Variants in GPC5 observed in about 807,000 individuals in gnomAD.
GPC5 encodes the protein glypican-5.
In GPC5, 47 loss-of-function variants were observed where a neutral mutation model predicts 53.9. The observed-to-expected ratio is 0.87, with a 90% CI of 0.69 to 1.11. The LOEUF (loss-of-function observed/expected upper bound fraction) is 1.11, where lower values mean the gene tolerates loss of function less well. Ranked by LOEUF, GPC5 falls within the 50% of genes most tolerant of loss-of-function variation. The pLI, the probability that GPC5 is intolerant of heterozygous loss-of-function variation, is 0.00. For missense variants in GPC5, 748 were observed against 713.1 expected, an observed-to-expected ratio of 1.05 and a Z score of -0.56; for synonymous variants, 286 against 263.3, an observed-to-expected ratio of 1.09 and a Z score of -0.84.
At chr13:92,230,206 C>T (rs2139099645) in intron 7 of GPC5, among the ~76,000 whole-genome samples, 1 of 152,244 alleles carries the variant, frequency 6.6e-6, no homozygotes, top group South Asian at 2.1e-4. Context: ...CTCTTATCTA[C>T]AAAGCCAAAA....
chr13:92,074,678 G>A (rs1440099120), intron 6 of GPC5, among the ~76,000 whole-genome samples: 1 of 152,158 alleles, frequency 6.6e-6, no homozygotes, highest in Non-Finnish European at 1.5e-5. Flanking sequence ...CCCATCTTAA[G>A]AAGTTCTAAG....
intron 7 of GPC5, among the ~76,000 whole-genome samples, chr13:92,188,449 A>C (rs1383113426): frequency 6.6e-6 from 1 of 152,182 alleles, no homozygotes; most frequent in Non-Finnish European, 1.5e-5. Context: ...GATAAGAAAA[A>C]GTGAAGATGC....
At chr13:92,473,018 G>A (rs1209681555) in intron 7 of GPC5, among the ~76,000 whole-genome samples, 2 of 151,860 alleles carry the variant, frequency 1.3e-5, no homozygotes, top group African/African-American at 2.4e-5. Flanking sequence ...ATAACCATTT[G>A]CCCATTTAAT....
At position 92,160,303 on chromosome 13, in the gene GPC5, G is replaced by C. The variant is rs563141099; in HGVS notation, c.1561+15314G>C. Among the ~76,000 whole-genome samples the C allele has an allele frequency of 2.6e-5, 4 of 152,188 alleles. No individual in the cohort carries two copies. In the East Asian group the frequency reaches 7.7e-4, roughly 29 times the overall value. On this transcript the variant is annotated intron_variant, in intron 7 of 7. Coordinates refer to ENST00000377067, the MANE Select transcript of GPC5 (RefSeq NM_004466.6). ...AAAATGGTTCCTGTTTTCTTGACTG[G>C]ACCTATCTGATATAGCTGTTGTTAA...
At chr13:92,298,933 T>C (rs182521406) in intron 7 of GPC5, among the ~76,000 whole-genome samples, 3 of 152,216 alleles carry the variant, frequency 2.0e-5, no homozygotes, top group Non-Finnish European at 4.4e-5. Context: ...ACAATCCTTT[T>C]ACTTTGGACA....
chr13:92,324,999 T>G (rs1377451085), intron 7 of GPC5, among the ~76,000 whole-genome samples: 1 of 151,734 alleles, frequency 6.6e-6, no homozygotes, highest in Non-Finnish European at 1.5e-5. Flanking sequence ...AAGGAAAAAG[T>G]GATTTTGCAA....
At chr13:92,101,532 A>G (rs1253619229) in intron 6 of GPC5, among the ~76,000 whole-genome samples, 1 of 152,208 alleles carries the variant, frequency 6.6e-6, no homozygotes, top group Non-Finnish European at 1.5e-5. Flanking sequence ...CTATCATTTA[A>G]TTAGGATGCA....
At chr13:92,676,109 A>G (rs1448954656) in intron 7 of GPC5, among the ~76,000 whole-genome samples, 1 of 152,194 alleles carries the variant, frequency 6.6e-6, no homozygotes, top group Non-Finnish European at 1.5e-5. Context: ...TGCTATGGCT[A>G]TAAGGAAATT....
chr13:92,559,038 A>G (rs1045550364), intron 7 of GPC5, among the ~76,000 whole-genome samples: 1 of 151,990 alleles, frequency 6.6e-6, no homozygotes, highest in African/African-American at 2.4e-5. Flanking sequence ...CTAAAAGACT[A>G]GGACCTCCTC....
At chr13:92,137,512 A>T (rs1166030762) in intron 6 of GPC5, among the ~76,000 whole-genome samples, 1 of 152,224 alleles carries the variant, frequency 6.6e-6, no homozygotes, top group African/African-American at 2.4e-5. Flanking sequence ...CTTAATGATA[A>T]AGTTAACTAA....
At chr13:91,776,841 T>C (rs903307645) in intron 5 of GPC5, among the ~76,000 whole-genome samples, 4 of 152,216 alleles carry the variant, frequency 2.6e-5, no homozygotes, top group African/African-American at 9.7e-5. Context: ...AAGACAGTGT[T>C]GAAGTCTAAT....
At chr13:92,512,120 T>C (rs941693711) in intron 7 of GPC5, among the ~76,000 whole-genome samples, 1 of 152,208 alleles carries the variant, frequency 6.6e-6, no homozygotes, top group Non-Finnish European at 1.5e-5. Context: ...GAGATATTGA[T>C]GATTTTTGCC....
At chr13:91,568,665 G>A (rs2031646022) in intron 2 of GPC5, among the ~76,000 whole-genome samples, 1 of 151,236 alleles carries the variant, frequency 6.6e-6, no homozygotes, top group South Asian at 2.1e-4. Context: ...GTTTGTTAAT[G>A]ATCAATATAA....
intron 6 of GPC5, among the ~76,000 whole-genome samples, chr13:92,075,688 CTT>C (rs1326285063): frequency 6.6e-6 from 1 of 152,038 alleles, no homozygotes; most frequent in East Asian, 1.9e-4. Flanking sequence ...ATTGGAACAT[CTT>C]TTATTTAACT....
intron 2 of GPC5, among the ~76,000 whole-genome samples, chr13:91,641,373 A>G (rs1469943965): frequency 2.0e-5 from 3 of 152,088 alleles, no homozygotes; most frequent in East Asian, 3.9e-4. Flanking sequence ...AAAAAAACCA[A>G]ACACTGCATG....
intron 6 of GPC5, among the ~76,000 whole-genome samples, chr13:91,933,004 T>A (rs545544006): frequency 1.6e-4 from 24 of 152,158 alleles, no homozygotes; most frequent in African/African-American, 5.8e-4. Context: ...TTTGTTAATA[T>A]GCATTTGAAA....
intron 7 of GPC5, among the ~76,000 whole-genome samples, chr13:92,204,315 A>G (rs1308978042): frequency 6.6e-6 from 1 of 152,226 alleles, no homozygotes; most frequent in Admixed American, 6.5e-5. Context: ...TGCCAATCAA[A>G]TAATTAGAAT....
intron 7 of GPC5, among the ~76,000 whole-genome samples, chr13:92,833,869 T>A (rs552626649): frequency 3.9e-5 from 6 of 152,234 alleles, no homozygotes; most frequent in Admixed American, 3.9e-4. Flanking sequence ...CCGTAAGAGT[T>A]AACGTTAGAG....
At chr13:91,521,490 C>T (rs905473588) in intron 2 of GPC5, among the ~76,000 whole-genome samples, 1 of 152,144 alleles carries the variant, frequency 6.6e-6, no homozygotes, top group Non-Finnish European at 1.5e-5. Context: ...TTCTTTTCCT[C>T]CTTGGTTAAA....
Sources: gnomAD v4.1 joint callset for allele counts (sites outside exome capture counted in the v4.1 genomes callset) on GRCh38, gnomAD v4.1.1 for gene constraint, MANE v1.5 for transcripts, NCBI Gene and HGNC (gene_info 2026-07-23, HGNC 2026-07-21) for gene names.